LRRC4C: variants seen among roughly 807,000 people sequenced by gnomAD.
LRRC4C encodes the protein leucine-rich repeat-containing protein 4C.
A neutral mutation model predicts 33.6 loss-of-function variants in LRRC4C; 5 were observed. The observed-to-expected ratio is 0.15, with a 90% CI of 0.08 to 0.31. The LOEUF is 0.31. Among genes scored for constraint, LRRC4C ranks in the 10% least tolerant of loss-of-function variants. LRRC4C has a pLI of 1.00. For synonymous variants in LRRC4C, 329 were observed against 302.0 expected (o/e 1.09, Z -0.93); for missense variants, 560 against 796.7 (o/e 0.70, Z 3.58).
At chr11:40,890,537 C>T (rs117408457) in intron 2 of LRRC4C, among the ~76,000 whole-genome samples, 186 of 152,160 alleles carry the variant, frequency 1.2e-3, no homozygotes, top group Non-Finnish European at 2.2e-3. Flanking sequence ...ATTTTGGAGA[C>T]GTATTTAAAC....
At chr11:40,292,079 A>G (rs1007078525) in intron 4 of LRRC4C, 2 of 151,554 alleles carry the variant, frequency 1.3e-5, no homozygotes, top group South Asian at 2.1e-4. Flanking sequence ...CTGGCCCCCA[A>G]TAGCCAGTTC....
intron 3 of LRRC4C, among the ~76,000 whole-genome samples, chr11:40,406,702 A>C (rs997153383): frequency 3.3e-5 from 5 of 152,166 alleles, no homozygotes; most frequent in African/African-American, 1.2e-4. Flanking sequence ...ACAATACAAC[A>C]ATTTTTTTTC....
At chr11:40,954,807 T>C (rs1213500025) in intron 1 of LRRC4C, among the ~76,000 whole-genome samples, 2 of 151,842 alleles carry the variant, frequency 1.3e-5, no homozygotes, top group Non-Finnish European at 2.9e-5. Context: ...CTTCTCTAGC[T>C]TAAATATCAC....
intron 1 of LRRC4C, among the ~76,000 whole-genome samples, chr11:41,148,237 G>A (rs1437453538): frequency 1.3e-5 from 2 of 151,752 alleles, no homozygotes; most frequent in South Asian, 4.2e-4. Flanking sequence ...GGATGATCTC[G>A]ATCTCCTGAT....
chr11:40,355,196 A>G (rs981784001), intron 3 of LRRC4C, among the ~76,000 whole-genome samples: 3 of 152,084 alleles, frequency 2.0e-5, no homozygotes, highest in African/African-American at 7.2e-5. Context: ...TCCAAGTTGC[A>G]AGACAAAGTC....
At chr11:40,172,361 T>C (rs929126544) in intron 5 of LRRC4C, among the ~76,000 whole-genome samples, 1 of 152,078 alleles carries the variant, frequency 6.6e-6, no homozygotes, top group Non-Finnish European at 1.5e-5. Flanking sequence ...CCTACACCAT[T>C]CCTCTCCCTT....
At chr11:41,186,376 A>C (rs531099288) in intron 1 of LRRC4C, among the ~76,000 whole-genome samples, 45 of 152,296 alleles carry the variant, frequency 3.0e-4, no homozygotes, top group African/African-American at 1.0e-3. Context: ...AACAGAGAAA[A>C]ATTTTATAAC....
intron 1 of LRRC4C, among the ~76,000 whole-genome samples, chr11:41,206,417 C>A (rs899360299): frequency 1.3e-5 from 2 of 152,176 alleles, no homozygotes; most frequent in Non-Finnish European, 2.9e-5. Context: ...TATTCCAACA[C>A]AAGAGTGACC....
intron 4 of LRRC4C, among the ~76,000 whole-genome samples, chr11:40,297,825 G>T (rs1405896590): frequency 2.6e-5 from 4 of 152,102 alleles, no homozygotes; most frequent in African/African-American, 9.7e-5. Context: ...TGGACTTGAG[G>T]TTAAATAAGG....
At chr11:40,266,445 T>C (rs551641364) in intron 4 of LRRC4C, among the ~76,000 whole-genome samples, 3 of 152,140 alleles carry the variant, frequency 2.0e-5, no homozygotes, top group Non-Finnish European at 4.4e-5. Flanking sequence ...TCAGCCTGGA[T>C]GACAGAGTGA....
chr11:40,378,688 A>G (rs1948749653), intron 3 of LRRC4C, among the ~76,000 whole-genome samples: 1 of 152,104 alleles, frequency 6.6e-6, no homozygotes, highest in African/African-American at 2.4e-5. Flanking sequence ...TTTGCCTTAC[A>G]TAGCTAAAAC....
chr11:40,958,010 T>C (rs1038232740), intron 1 of LRRC4C, among the ~76,000 whole-genome samples: 8 of 151,620 alleles, frequency 5.3e-5, no homozygotes, highest in Middle Eastern at 3.2e-3. Context: ...GGCTTCATGA[T>C]TGGGATTTGT....
intron 1 of LRRC4C, among the ~76,000 whole-genome samples, chr11:40,964,756 A>C (rs1176267417): frequency 4.0e-5 from 6 of 151,620 alleles, no homozygotes; most frequent in East Asian, 3.9e-4. Context: ...ACATTTTCTT[A>C]ATCCAGTCTA....
intron 5 of LRRC4C, among the ~76,000 whole-genome samples, chr11:40,169,664 T>C (rs557519678): frequency 2.6e-5 from 4 of 152,168 alleles, no homozygotes; most frequent in Non-Finnish European, 5.9e-5. Context: ...TCAGTTGAGA[T>C]TTCATTTCCA....
At chr11:41,114,569 A>T (rs990739368) in intron 1 of LRRC4C, among the ~76,000 whole-genome samples, 1 of 152,032 alleles carries the variant, frequency 6.6e-6, no homozygotes, top group Non-Finnish European at 1.5e-5. Context: ...ACTTTCCCCC[A>T]AAAAATCAGT....
intron 1 of LRRC4C, among the ~76,000 whole-genome samples, chr11:40,934,613 C>T (rs1476969847): frequency 6.6e-6 from 1 of 152,042 alleles, no homozygotes; most frequent in Non-Finnish European, 1.5e-5. Flanking sequence ...GCACCGTTCT[C>T]TCCAGTTTTC....
chr11:40,921,556 C>T (rs1957180801), intron 2 of LRRC4C, among the ~76,000 whole-genome samples: 1 of 151,982 alleles, frequency 6.6e-6, no homozygotes, highest in South Asian at 2.1e-4. Flanking sequence ...CTCAGTAAGA[C>T]CTATGAGGAA....
chr11:40,556,253 A>G (rs1327797425), intron 3 of LRRC4C, among the ~76,000 whole-genome samples: 1 of 152,196 alleles, frequency 6.6e-6, no homozygotes, highest in African/African-American at 2.4e-5. Flanking sequence ...TATATCCTAT[A>G]GGGGGTCTCT....
At chr11:40,164,735 G>T (rs1859445021) in intron 5 of LRRC4C, among the ~76,000 whole-genome samples, 1 of 152,158 alleles carries the variant, frequency 6.6e-6, no homozygotes, top group African/African-American at 2.4e-5. Flanking sequence ...TTTCAAAATA[G>T]CTAAAAGAGA....
Sources: gnomAD v4.1 joint callset for allele counts (sites outside exome capture counted in the v4.1 genomes callset) on GRCh38, gnomAD v4.1.1 for gene constraint, MANE v1.5 for transcripts, NCBI Gene and HGNC (gene_info 2026-07-23, HGNC 2026-07-21) for gene names.